The following IL17RA variants were observed in gnomAD, a reference collection of about 807,000 sequenced individuals.
IL17RA encodes interleukin-17 receptor A.
A neutral mutation model predicts 50.4 loss-of-function variants in IL17RA; 34 were observed. The observed-to-expected ratio is 0.67, with a 90% confidence interval of 0.51 to 0.90. IL17RA has a LOEUF of 0.90. Among genes scored for constraint, IL17RA ranks in the 40% least tolerant of loss-of-function variants. IL17RA has a pLI of 0.00. For missense variants in IL17RA, 1,276 were observed against 1,169.8 expected, an observed-to-expected ratio of 1.09 and a Z score of -1.32; for synonymous variants, 585 against 510.4, an observed-to-expected ratio of 1.15 and a Z score of -1.97.
At position 17,109,665 on chromosome 22, in the gene IL17RA, GAAGAGGAGC is replaced by G. The variant is rs1568924465; in HGVS notation, c.2448_2456del (p.Glu817_Gln819del). 1 of 1,603,678 alleles carries G rather than the reference GAAGAGGAGC, an allele frequency of 6.2e-7. No homozygotes were observed. The highest frequency in any genetic ancestry group is 8.5e-7 in the Non-Finnish European group (1 of 1,175,978). On this transcript the variant is annotated inframe_deletion, in exon 13 of 13. Transcript: ENST00000319363. ...ACTCACGGAAATGGAGGAAGAGGAG[GAAGAGGAGC>G]AGGACCCAGGGAAGCCGGCCCTGCC...
Position 17,115,613 on chromosome 22 carries a change from G to A in IL17RA, c.*5793G>A, listed in dbSNP as rs1171125049. 1 of 151,940 alleles carries A rather than the reference G, an allele frequency of 6.6e-6. No homozygotes were observed. Among genetic ancestry groups the A allele is most frequent in the Non-Finnish European group, 1.5e-5 (1 of 68,008 alleles). The allele number at this position is 151,940 out of a possible 1,614,324, so 9.4% of individuals were successfully genotyped here. A position where few individuals can be genotyped will look rare whatever the true frequency, so the allele number is the denominator to read the frequency against. On this transcript the variant is annotated 3_prime_UTR_variant, in exon 13 of 13. Transcript: ENST00000319363. ...AAAAAAAAAAAATCACTGTGTGTTTGTTTATTTTGGTGCAGGCCCAGTGTT... is the reference window on the plus strand; with the variant it reads ...AAAAAAAAAAAATCACTGTGTGTTTATTTATTTTGGTGCAGGCCCAGTGTT...
In IL17RA at chr22:17,111,778, A is replaced by C. The variant is rs2061443994; in HGVS notation, c.*1958A>C. On this transcript the variant is annotated 3_prime_UTR_variant, in exon 13 of 13. Transcript: ENST00000319363. The stretch of plus-strand genomic sequence containing the variant: ...CGTGAAAGATTATCAATAAAAGTGC[A>C]TAAATTTGTTGATCTGGTAAGAGTT... 6.6e-6 allele frequency: 1 copy of C among 152,188 alleles called. No homozygotes were observed. Among genetic ancestry groups the C allele is most frequent in the Non-Finnish European group, 1.5e-5 (1 of 68,040 alleles). The allele number at this position is 152,188 out of a possible 1,614,324, so 9.4% of individuals were successfully genotyped here.
rs1446344294 is a variant in IL17RA at position 17,115,530 on chromosome 22, C to G, written c.*5710C>G. 1 of 151,824 alleles carries G rather than the reference C, an allele frequency of 6.6e-6. No homozygotes were observed. Among genetic ancestry groups the G allele is most frequent in the Non-Finnish European group, 1.5e-5 (1 of 68,022 alleles). The allele number at this position is 151,824 out of a possible 1,614,324, so 9.4% of individuals were successfully genotyped here. A position where few individuals can be genotyped will look rare whatever the true frequency, so the allele number is the denominator to read the frequency against. ...TAGCATTTGGCACAGCCAGAAGCAG[C>G]AAGCTAGGGTCACAACACAGAGAGG... On this transcript the variant is annotated 3_prime_UTR_variant, in exon 13 of 13. Transcript: ENST00000319363.
At chr22:17,102,504 C>G (rs2061395518) in intron 7 of IL17RA, among the ~76,000 whole-genome samples, 1 of 152,066 alleles carries the variant, frequency 6.6e-6, no homozygotes. Flanking sequence ...TGACTGTGTC[C>G]TGCCCATGAC....
At chr22:17,093,975 CTTTATTTTAT>C (rs71200225) in intron 1 of IL17RA, 9 of 147,646 alleles carry the variant, frequency 6.1e-5, no homozygotes, top group East Asian at 3.9e-4. Context: ...TTTTATCTTA[CTTTATTTTAT>C]TTTATTTTAT....
intron 1 of IL17RA, among the ~76,000 whole-genome samples, chr22:17,095,225 G>T (rs543004550): frequency 1.3e-5 from 2 of 152,072 alleles, no homozygotes; most frequent in South Asian, 4.1e-4. Flanking sequence ...GTGCTGGAGA[G>T]GTATATGATG....
chr22:17,100,185 C>CA (rs930800089), intron 4 of IL17RA, among the ~76,000 whole-genome samples, 170 bp from the exon 5 acceptor site: 1 of 140,964 alleles, frequency 7.1e-6, no homozygotes. Context: ...CCAGAGGAAA[C>CA]AAAAAACAAA....
chr22:17,103,550 T>TA lies in IL17RA; in HGVS notation c.822dup (p.Gly275ArgfsTer19). The TA allele has an allele frequency of 6.2e-7, 1 of 1,613,338 alleles. No individual in the cohort carries two copies. Among genetic ancestry groups the TA allele is most frequent in the Non-Finnish European group, 8.5e-7 (1 of 1,179,754 alleles). On this transcript the variant is annotated frameshift_variant, in exon 8 of 13. Transcript: ENST00000319363. LOFTEE classifies it high-confidence loss of function. ...ACGTCACACTCACTCTACGCAACCT[T>TA]AAAGGGTGCTGTCGCCACCAAGTGC...
In IL17RA at chr22:17,109,397, G is replaced by A. The variant is rs1261613548; in HGVS notation, c.2178G>A (p.Ser726=). Residue 726 remains serine, a synonymous_variant, in exon 13 of 13, where the codon TCG becomes TCA. Coordinates refer to ENST00000319363, the MANE Select transcript of IL17RA (RefSeq NM_014339.7). ...VLFLPVDPED[S]PLGSSTPMAS... ...TCCTCCCCGTGGACCCCGAGGACTCGCCCCTTGGCAGCAGCACCCCCATGG... is the reference window on the plus strand; with the variant it reads ...TCCTCCCCGTGGACCCCGAGGACTCACCCCTTGGCAGCAGCACCCCCATGG... The A allele has an allele frequency of 1.9e-6, 3 of 1,612,870 alleles. No homozygotes were observed. The highest frequency in any genetic ancestry group is 1.7e-4 in the Middle Eastern group (1 of 6,060).
intron 1 of IL17RA, 65 bp downstream of exon 1, chr22:17,085,294 G>A: frequency 6.6e-7 from 1 of 1,526,502 alleles, no homozygotes. Context: ...GGTCGCGGAG[G>A]GCCGGACGGT....
chr22:17,097,336 C>T lies in IL17RA; in HGVS notation c.163+250C>T, dbSNP rs562781740. The T allele has an allele frequency of 2.1e-5, 12 of 570,736 alleles. No homozygotes were observed. In the East Asian group the frequency reaches 3.7e-4, roughly 17 times the overall value. The allele number at this position is 570,736 out of a possible 1,614,324, so 35.4% of individuals were successfully genotyped here. On this transcript the variant is annotated intron_variant, in intron 2 of 12. Transcript: ENST00000319363. Reference sequence around the variant, plus strand: ...GATTGTGAAAGTATTCTCTGGGGAGCTGCCCTACTGTATCTATAATATAAT... The same window carrying T: ...GATTGTGAAAGTATTCTCTGGGGAGTTGCCCTACTGTATCTATAATATAAT...
At chr22:17,101,318 G>A (rs186124852) in intron 5 of IL17RA, among the ~76,000 whole-genome samples, 150 of 152,328 alleles carry the variant, frequency 9.8e-4, no homozygotes, top group Admixed American at 1.7e-3. Context: ...GCTTGTTAAG[G>A]ATGGTGTTGA....
At chr22:17,107,353 C>T (rs1162061106) in intron 11 of IL17RA, among the ~76,000 whole-genome samples, 2 of 152,168 alleles carry the variant, frequency 1.3e-5, no homozygotes, top group East Asian at 1.9e-4. Context: ...CCACCCCCTG[C>T]CCCCCGGCAC....
intron 1 of IL17RA, among the ~76,000 whole-genome samples, chr22:17,094,701 A>ATATATATGTG (rs1568917565): frequency 1.1e-4 from 7 of 61,914 alleles, no homozygotes; most frequent in Non-Finnish European, 1.7e-4. Context: ...CTATATATAT[A>ATATATATGTG]TATATATATA....
chr22:17,091,369 C>G (rs2061347105), intron 1 of IL17RA, among the ~76,000 whole-genome samples: 3 of 152,134 alleles, frequency 2.0e-5, no homozygotes, highest in Admixed American at 6.5e-5. Flanking sequence ...GCAAACAGTA[C>G]AGATGCTAAG....
intron 1 of IL17RA, among the ~76,000 whole-genome samples, chr22:17,091,620 G>C (rs1205870355): frequency 6.6e-6 from 1 of 152,022 alleles, no homozygotes; most frequent in African/African-American, 2.4e-5. Flanking sequence ...GGGGCTTGCA[G>C]TGAGCTGAGA....
At chr22:17,087,060 CCTCT>C (rs200344167) in intron 1 of IL17RA, among the ~76,000 whole-genome samples, 1 of 152,086 alleles carries the variant, frequency 6.6e-6, no homozygotes, top group African/African-American at 2.4e-5. Context: ...TCTCTTCCTT[CCTCT>C]CTCTCTCTTC....
intron 4 of IL17RA, among the ~76,000 whole-genome samples, chr22:17,099,227 GT>G (rs144322196): frequency 0.025 from 3,832 of 152,252 alleles, 68 homozygotes; most frequent in Middle Eastern, 0.051. Flanking sequence ...GTAACTTTGT[GT>G]AACATCTTTT....
At chr22:17,104,905 AT>A in intron 9 of IL17RA, 95 bp downstream of exon 9, 1 of 1,173,730 alleles carries the variant, frequency 8.5e-7, no homozygotes, top group Non-Finnish European at 1.3e-6. Context: ...CTGAGGGGTG[AT>A]TAGGGAGGAG....
Sources: allele counts gnomAD v4.1 joint callset (sites outside exome capture counted in the v4.1 genomes callset), GRCh38; gene constraint gnomAD v4.1.1; transcripts MANE v1.5; gene names NCBI Gene and HGNC (gene_info 2026-07-23, HGNC 2026-07-21).